The following MIPOL1 variants were observed in gnomAD, a reference collection of about 807,000 sequenced individuals.
MIPOL1 encodes the protein mirror-image polydactyly gene 1 protein.
MIPOL1 carries 57 observed loss-of-function variants against 60.9 expected under a neutral mutation model. The ratio of observed to expected loss-of-function variants is 0.94; its 90% confidence interval spans 0.76 to 1.17. MIPOL1 has a LOEUF of 1.17. Among genes scored for constraint, MIPOL1 ranks in the 50% most tolerant of loss-of-function variants. The pLI is 0.00. For missense variants in MIPOL1, 551 were observed against 511.6 expected, an observed-to-expected ratio of 1.08 and a Z score of -0.74; for synonymous variants, 179 against 168.8, an observed-to-expected ratio of 1.06 and a Z score of -0.47.
At chr14:37,315,876 G>C (rs533890022) in intron 9 of MIPOL1, among the ~76,000 whole-genome samples, 1 of 152,212 alleles carries the variant, frequency 6.6e-6, no homozygotes, top group Admixed American at 6.6e-5. Context: ...AGACCAAGTT[G>C]TGTGGTGTGT....
intron 11 of MIPOL1, chr14:37,434,606 C>G (rs1173318900): frequency 6.6e-6 from 1 of 152,030 alleles, no homozygotes; most frequent in African/African-American, 2.4e-5. Context: ...CAAGGTCTCA[C>G]TATGTTGCCC....
intron 6 of MIPOL1, among the ~76,000 whole-genome samples, chr14:37,279,676 G>T (rs1223222574): frequency 6.6e-6 from 1 of 151,892 alleles, no homozygotes; most frequent in Non-Finnish European, 1.5e-5. Flanking sequence ...ATTGATGTAT[G>T]ATTTGCAAAT....
At chr14:37,211,805 A>G (rs1966849934) in intron 1 of MIPOL1, among the ~76,000 whole-genome samples, 1 of 151,752 alleles carries the variant, frequency 6.6e-6, no homozygotes, top group Non-Finnish European at 1.5e-5. Context: ...CCCAGTTCCA[A>G]AAGAGACCCT....
At chr14:37,511,111 A>G (rs1483074745) in intron 12 of MIPOL1, among the ~76,000 whole-genome samples, 1 of 152,186 alleles carries the variant, frequency 6.6e-6, no homozygotes, top group Non-Finnish European at 1.5e-5. Flanking sequence ...TTTCTGAAAT[A>G]TTTCAGCCTA....
intron 9 of MIPOL1, among the ~76,000 whole-genome samples, chr14:37,331,563 T>C (rs1036875633): frequency 6.6e-6 from 1 of 152,020 alleles, no homozygotes; most frequent in Non-Finnish European, 1.5e-5. Flanking sequence ...GTTTTTTTTT[T>C]CAGGTTGTTC....
At chr14:37,452,766 G>A (rs369389195) in intron 11 of MIPOL1, among the ~76,000 whole-genome samples, 14 of 152,126 alleles carry the variant, frequency 9.2e-5, no homozygotes, top group Admixed American at 3.3e-4. Context: ...TCAAGTTGAC[G>A]TATAGTGTTT....
chr14:37,228,542 A>T (rs1970133740), intron 1 of MIPOL1, among the ~76,000 whole-genome samples: 2 of 151,964 alleles, frequency 1.3e-5, no homozygotes, highest in South Asian at 4.1e-4. Context: ...GGGTCTAGGG[A>T]TGATGGTAGT....
intron 11 of MIPOL1, among the ~76,000 whole-genome samples, chr14:37,474,480 A>C (rs1012870253): frequency 2.6e-5 from 4 of 152,150 alleles, no homozygotes; most frequent in African/African-American, 4.8e-5. Flanking sequence ...GGTTTTATAA[A>C]GGGCAGTTCC....
At chr14:37,264,583 G>T (rs952598419) in intron 3 of MIPOL1, among the ~76,000 whole-genome samples, 1 of 151,966 alleles carries the variant, frequency 6.6e-6, no homozygotes. Context: ...AGCCATGATT[G>T]TGCTACTGCA....
At chr14:37,325,404 C>A (rs1245627977) in intron 9 of MIPOL1, among the ~76,000 whole-genome samples, 1 of 151,966 alleles carries the variant, frequency 6.6e-6, no homozygotes, top group Non-Finnish European at 1.5e-5. Flanking sequence ...CACTTTATTT[C>A]TTTATGTAGG....
chr14:37,359,943 A>T (rs2092123320), intron 9 of MIPOL1, among the ~76,000 whole-genome samples: 1 of 152,052 alleles, frequency 6.6e-6, no homozygotes, highest in Admixed American at 6.6e-5. Flanking sequence ...TCAGTATAAT[A>T]TTGGCTGTGG....
chr14:37,378,351 A>C (rs2092832272), intron 10 of MIPOL1, among the ~76,000 whole-genome samples: 1 of 152,092 alleles, frequency 6.6e-6, no homozygotes, highest in African/African-American at 2.4e-5. Flanking sequence ...AAAAGGAAAC[A>C]ACCTATTGAT....
intron 10 of MIPOL1, among the ~76,000 whole-genome samples, chr14:37,375,217 A>G (rs1017150375): frequency 6.6e-6 from 1 of 151,936 alleles, no homozygotes; most frequent in African/African-American, 2.4e-5. Flanking sequence ...TTATTATTAT[A>G]ATTTTTTTTA....
intron 12 of MIPOL1, among the ~76,000 whole-genome samples, chr14:37,523,854 G>T (rs929657684): frequency 6.6e-6 from 1 of 152,116 alleles, no homozygotes; most frequent in African/African-American, 2.4e-5. Context: ...AAGTATAACA[G>T]GCAGATTAAG....
At chr14:37,293,704 C>T (rs1268514631) in intron 7 of MIPOL1, among the ~76,000 whole-genome samples, 3 of 152,164 alleles carry the variant, frequency 2.0e-5, no homozygotes, top group African/African-American at 7.2e-5. Context: ...CGGAGCCTCT[C>T]TCATTGCCAG....
intron 1 of MIPOL1, among the ~76,000 whole-genome samples, chr14:37,238,946 C>T (rs1971925203): frequency 6.6e-6 from 1 of 150,502 alleles, no homozygotes; most frequent in Non-Finnish European, 1.5e-5. Flanking sequence ...GAATGAGACC[C>T]AGTCTCAAAA....
At chr14:37,446,559 C>T (rs1449343681) in intron 11 of MIPOL1, among the ~76,000 whole-genome samples, 1 of 142,192 alleles carries the variant, frequency 7.0e-6, no homozygotes, top group East Asian at 2.0e-4. Context: ...TTTGACCCAG[C>T]CATCCCATTA....
At chr14:37,392,717 G>T (rs989343309) in intron 10 of MIPOL1, among the ~76,000 whole-genome samples, 1 of 152,150 alleles carries the variant, frequency 6.6e-6, no homozygotes, top group Admixed American at 6.6e-5. Flanking sequence ...TTTGCTAAAA[G>T]TTTTTATTGT....
At chr14:37,386,085 A>G (rs754665751) in intron 10 of MIPOL1, among the ~76,000 whole-genome samples, 2 of 151,976 alleles carry the variant, frequency 1.3e-5, no homozygotes, top group Non-Finnish European at 2.9e-5. Flanking sequence ...CCTACCTGTC[A>G]TCTCTTAGCT....
Sources: allele counts gnomAD v4.1 joint callset (sites outside exome capture counted in the v4.1 genomes callset), GRCh38; gene constraint gnomAD v4.1.1; transcripts MANE v1.5; gene names NCBI Gene and HGNC (gene_info 2026-07-23, HGNC 2026-07-21).